Variants in RGS10 observed in about 807,000 individuals in gnomAD.
RGS10 encodes regulator of G protein signaling 10, also known as regulator of G-protein signalling 10.
Under a neutral mutation model 23.5 loss-of-function variants are expected in RGS10, and 11 were observed. The observed-to-expected ratio is 0.47, with a 90% CI of 0.29 to 0.77. The LOEUF is 0.77. RGS10 is among the 30% of genes least tolerant of loss of function. RGS10 has a pLI of 0.08. For missense variants in RGS10, 180 were observed against 226.3 expected, an observed-to-expected ratio of 0.80 and a Z score of 1.31; for synonymous variants, 77 against 83.2, an observed-to-expected ratio of 0.92 and a Z score of 0.41.
intron 1 of RGS10, among the ~76,000 whole-genome samples, chr10:119,529,953 A>G (rs922619116): frequency 1.3e-4 from 20 of 151,982 alleles, no homozygotes; most frequent in African/African-American, 4.1e-4. Context: ...TTTGCTGGGC[A>G]TGGTGGTGGA....
chr10:119,504,246 G>A lies in RGS10; in HGVS notation c.400-3987C>T, dbSNP rs571731748. 3.3e-5 allele frequency among the ~76,000 whole-genome samples: 5 copies of A among 152,364 alleles called. No homozygotes were observed. The South Asian group carries it at 1.0e-3, about 32-fold the overall frequency. On this transcript the variant is annotated intron_variant, in intron 4 of 4. Coordinates refer to ENST00000369103, the MANE Select transcript of RGS10 (RefSeq NM_001005339.2). Reference sequence around the variant, plus strand: ...ACTCTGTCACCCAGGCTGGAGTGCAGTGGCACGATCTTGGCTCACTGCAAA... The same window carrying A: ...ACTCTGTCACCCAGGCTGGAGTGCAATGGCACGATCTTGGCTCACTGCAAA...
chr10:119,532,391 A>T (rs1040317585), intron 1 of RGS10, among the ~76,000 whole-genome samples: 2 of 152,138 alleles, frequency 1.3e-5, no homozygotes, highest in African/African-American at 4.8e-5. Flanking sequence ...CAGGGGACAC[A>T]CTAAGTAATG....
At chr10:119,504,339 G>A (rs967359612) in intron 4 of RGS10, among the ~76,000 whole-genome samples, 26 of 152,212 alleles carry the variant, frequency 1.7e-4, no homozygotes, top group South Asian at 6.2e-4. Flanking sequence ...ACAGGTGTGC[G>A]CCACCACACC....
chr10:119,502,549 A>G (rs1159253517), intron 4 of RGS10, among the ~76,000 whole-genome samples: 1 of 152,076 alleles, frequency 6.6e-6, no homozygotes, highest in Non-Finnish European at 1.5e-5. Context: ...CTCAGACTTC[A>G]AAGTAGAGAA....
intron 1 of RGS10, among the ~76,000 whole-genome samples, chr10:119,539,435 G>T (rs1355589904): frequency 6.6e-6 from 1 of 152,224 alleles, no homozygotes; most frequent in Non-Finnish European, 1.5e-5. Context: ...AGCTGCAGGG[G>T]TAGGGAGTCG....
In RGS10 at chr10:119,524,339, G is replaced by A. The variant is rs1231990994; in HGVS notation, c.255+1693C>T. 6.6e-6 allele frequency among the ~76,000 whole-genome samples: 1 copy of A among 152,210 alleles called. No homozygotes were observed. On this transcript the variant is annotated intron_variant, in intron 3 of 4. Transcript: ENST00000369103. The surrounding 1 kb of genome is among the most constrained non-coding windows in gnomAD (Gnocchi z 5.2). ...AACAACGGGTGACTTCAGGGAGCTA[G>A]TTCAAGTCCTAGCTCTGCCACGGTG...
chr10:119,517,297 C>T lies in RGS10; in HGVS notation c.256-1645G>A, dbSNP rs374936280. 4.2e-4 allele frequency among the ~76,000 whole-genome samples: 64 copies of T among 152,088 alleles called. No homozygotes were observed. The highest frequency in any genetic ancestry group is 1.4e-3 in the African/African-American group (57 of 41,544). On this transcript the variant is annotated intron_variant, in intron 3 of 4. Coordinates refer to ENST00000369103, the MANE Select transcript of RGS10 (RefSeq NM_001005339.2). The surrounding 1 kb of genome is among the most constrained non-coding windows in gnomAD (Gnocchi z 5.0). Reference sequence around the variant, plus strand: ...GAGACGGCCCAGGTTGGGTGAACACCGAAAGCCATGCTGTCCACCCTGTCT... The same window carrying T: ...GAGACGGCCCAGGTTGGGTGAACACTGAAAGCCATGCTGTCCACCCTGTCT...
In RGS10 at chr10:119,527,197, G is replaced by A. The variant is rs921954980; in HGVS notation, c.168+109C>T. ...AGTACTGAACTCTCAAGCTGGCATA[G>A]AGAGTGCTACGCTGACAGACAATGT... On this transcript the variant is annotated intron_variant, in intron 2 of 4. Coordinates refer to ENST00000369103, the MANE Select transcript of RGS10 (RefSeq NM_001005339.2). This position sits in a 1 kb window ranked among gnomAD's most constrained non-coding sequence, Gnocchi z 4.2. 1.4e-6 allele frequency: 1 copy of A among 729,546 alleles called. No individual in the cohort carries two copies. The highest frequency in any genetic ancestry group is 2.4e-6 in the Non-Finnish European group (1 of 425,174). The allele number at this position is 729,546 out of a possible 1,614,324, so 45.2% of individuals were successfully genotyped here.
chr10:119,512,254 G>T (rs1216147252), intron 4 of RGS10, among the ~76,000 whole-genome samples: 1 of 152,184 alleles, frequency 6.6e-6, no homozygotes, highest in Non-Finnish European at 1.5e-5. Flanking sequence ...GCTTTTGAAA[G>T]TTCCGTGAAA....
At chr10:119,529,674 C>G (rs1239142095) in intron 1 of RGS10, among the ~76,000 whole-genome samples, 1 of 152,184 alleles carries the variant, frequency 6.6e-6, no homozygotes, top group East Asian at 1.9e-4. Context: ...CTAAAATAAC[C>G]ATCTATCAAG....
At chr10:119,521,940 C>T (rs1053780643) in intron 3 of RGS10, among the ~76,000 whole-genome samples, 1 of 152,158 alleles carries the variant, frequency 6.6e-6, no homozygotes, top group African/African-American at 2.4e-5. Context: ...TCTCAGGAAG[C>T]TATTGCCAGC....
intron 4 of RGS10, among the ~76,000 whole-genome samples, chr10:119,502,343 C>T (rs1320705131): frequency 6.6e-5 from 10 of 152,110 alleles, no homozygotes; most frequent in Non-Finnish European, 1.5e-4. Flanking sequence ...CTGCAATGAA[C>T]GCTCAAATGT....
intron 1 of RGS10, among the ~76,000 whole-genome samples, chr10:119,530,293 G>T (rs138646746): frequency 2.0e-5 from 3 of 152,122 alleles, no homozygotes; most frequent in South Asian, 2.1e-4. Context: ...TCTATGGGGG[G>T]TCAAAATACA....
At chr10:119,525,788 C>CT (rs1844266930) in intron 3 of RGS10, among the ~76,000 whole-genome samples, 2 of 152,296 alleles carry the variant, frequency 1.3e-5, no homozygotes, top group Non-Finnish European at 1.5e-5. Context: ...ATGAGGAACT[C>CT]TAAGTGACAT....
At chr10:119,537,638 T>C (rs750282935) in intron 1 of RGS10, among the ~76,000 whole-genome samples, 1 of 152,148 alleles carries the variant, frequency 6.6e-6, no homozygotes, top group South Asian at 2.1e-4. Flanking sequence ...AGGTGGGGGC[T>C]ATTTTCTCAC....
At chr10:119,529,549 T>A (rs1378681650) in intron 1 of RGS10, among the ~76,000 whole-genome samples, 1 of 152,084 alleles carries the variant, frequency 6.6e-6, no homozygotes, top group Non-Finnish European at 1.5e-5. Flanking sequence ...TTGAAAATCA[T>A]CCCCCATCTC....
rs1020828002 is a variant in RGS10 at position 119,542,719 on chromosome 10, G to A, written c.-81C>T. Reference sequence around the variant, plus strand: ...CGGAGGAAGGCGAGGAGGAGGAGGAGGGCGAGGAGGAGGAGGAGGAGGGCA... The same window carrying A: ...CGGAGGAAGGCGAGGAGGAGGAGGAAGGCGAGGAGGAGGAGGAGGAGGGCA... On this transcript the variant is annotated 5_prime_UTR_variant, in exon 1 of 5. Transcript: ENST00000369103. 13 of 1,224,610 alleles carry A rather than the reference G, an allele frequency of 1.1e-5. No homozygotes were observed. The highest frequency in any genetic ancestry group is 1.3e-5 in the Non-Finnish European group (12 of 945,642). 75.9% of individuals were successfully genotyped at this position (1,224,610 alleles called of 1,614,324 possible).
chr10:119,534,181 G>A (rs11199002), intron 1 of RGS10, among the ~76,000 whole-genome samples: 68,242 of 150,988 alleles, frequency 0.45, 18,578 homozygotes, highest in Non-Finnish European at 0.61. Flanking sequence ...ACTTGAACCC[G>A]GGAGGCGGAG....
chr10:119,500,397 A>C, intron 4 of RGS10, 138 bp from the exon 5 acceptor site: 4 of 783,708 alleles, frequency 5.1e-6, no homozygotes, highest in Non-Finnish European at 7.7e-6. Context: ...AAGCTCAAAT[A>C]AGTCATCTGC....
Sources: gnomAD v4.1 joint callset for allele counts (sites outside exome capture counted in the v4.1 genomes callset) on GRCh38, gnomAD v4.1.1 for gene constraint, Gnocchi (gnomAD v3.1) non-coding constraint, MANE v1.5 for transcripts, NCBI Gene and HGNC (gene_info 2026-07-23, HGNC 2026-07-21) for gene names.